MTFMT: variants seen among roughly 807,000 people sequenced by gnomAD.
The protein encoded by MTFMT is methionyl-tRNA formyltransferase, mitochondrial.
In MTFMT, 47 loss-of-function variants were observed where a neutral mutation model predicts 51.8. The ratio of observed to expected loss-of-function variants is 0.91; its 90% CI spans 0.72 to 1.16. The LOEUF (loss-of-function observed/expected upper bound fraction) is 1.16, where lower values mean the gene tolerates loss of function less well. Ranked by LOEUF, MTFMT falls within the 50% of genes most tolerant of loss-of-function variation. MTFMT has a pLI of 0.00. For missense variants in MTFMT, 512 were observed against 482.3 expected, an observed-to-expected ratio of 1.06 and a Z score of -0.58; for synonymous variants, 196 against 176.7, an observed-to-expected ratio of 1.11 and a Z score of -0.87.
At chr15:65,029,196 G>C (rs1429756947) in intron 1 of MTFMT, 1 of 891,890 alleles carries the variant, frequency 1.1e-6, no homozygotes, top group Non-Finnish European at 1.3e-6. Flanking sequence ...CGGGGAGTGA[G>C]GGGCGCAGAC....
chr15:65,009,804 C>T (rs1476820457), intron 6 of MTFMT, among the ~76,000 whole-genome samples: 1 of 152,062 alleles, frequency 6.6e-6, no homozygotes, highest in East Asian at 1.9e-4. Context: ...CAGGTGCATC[C>T]CACAATACCT....
At position 65,021,558 on chromosome 15, in the gene MTFMT, C is replaced by T. The variant is rs111388106; in HGVS notation, c.601G>A (p.Ala201Thr). The stretch of plus-strand genomic sequence containing the variant: ...GACAACACTGCTTCCAATTCCTTTG[C>T]AGTGCTCTTGGGTGGCACAGGAACA... Reference protein sequence around the residue: ...ETVPVPPKSTAKELEAVLSRL... With the variant: ...ETVPVPPKSTTKELEAVLSRL... The change falls in exon 4 of 9, where the codon GCA (alanine) becomes ACA (threonine). Residue 201 changes from alanine (A) to threonine (T), a missense_variant. Coordinates refer to ENST00000220058, the MANE Select transcript of MTFMT (RefSeq NM_139242.4). 8.8e-3 allele frequency: 14,135 copies of T among 1,609,314 alleles called. 796 individuals are homozygous for T. In the South Asian group the frequency reaches 0.12, roughly 13 times the overall value.
chr15:65,007,489 T>G (rs1046957688), intron 6 of MTFMT, among the ~76,000 whole-genome samples: 2 of 152,250 alleles, frequency 1.3e-5, no homozygotes, highest in Admixed American at 1.3e-4. Flanking sequence ...ATTTTCAATT[T>G]ATTGCTATTT....
chr15:65,026,753 A>G lies in MTFMT; in HGVS notation c.419+78T>C, dbSNP rs553638029. On this transcript the variant is annotated intron_variant, in intron 2 of 8. Coordinates refer to ENST00000220058, the MANE Select transcript of MTFMT (RefSeq NM_139242.4). Reference sequence around the variant, plus strand: ...ATATTACAGAAAGCATAGAGTTCAAATTATCACATTTTATATACAAGGTCC... The same window carrying G: ...ATATTACAGAAAGCATAGAGTTCAAGTTATCACATTTTATATACAAGGTCC... 26 of 1,127,010 alleles carry G rather than the reference A, an allele frequency of 2.3e-5. No individual in the cohort carries two copies. The African/African-American group carries it at 3.6e-4, about 16-fold the overall frequency. 69.8% of individuals were successfully genotyped at this position (1,127,010 alleles called of 1,614,324 possible).
At chr15:65,016,139 G>C (rs1053397850) in intron 6 of MTFMT, 1 of 176,376 alleles carries the variant, frequency 5.7e-6, no homozygotes, top group Non-Finnish European at 1.2e-5. Flanking sequence ...ATTCCTGTTA[G>C]TCATCTCATT....
At position 65,016,245 on chromosome 15, in the gene MTFMT, C is replaced by G. The variant is rs34348990; in HGVS notation, c.813+191G>C. ...AAGTGCTTTGTGAATTCTAAGGTCT[C>G]TATAAACACTTTAAACAGCTTAAAG... On this transcript the variant is annotated intron_variant, in intron 6 of 8. Transcript: ENST00000220058. 169,293 of 442,094 alleles carry G rather than the reference C, an allele frequency of 0.38. 36,231 individuals carry two copies. The highest frequency in any genetic ancestry group is 0.51 in the South Asian group (14,916 of 29,500). The allele number at this position is 442,094 out of a possible 1,614,324, so 27.4% of individuals were successfully genotyped here.
At chr15:65,029,217 A>G (rs1420562429) in intron 1 of MTFMT, 188 bp downstream of exon 1, 1 of 952,108 alleles carries the variant, frequency 1.1e-6, no homozygotes, top group Non-Finnish European at 1.3e-6. Flanking sequence ...CGCAGGTACT[A>G]GGCGCCCAAA....
At chr15:65,024,568 G>A (rs1023171872) in intron 2 of MTFMT, among the ~76,000 whole-genome samples, 2 of 151,102 alleles carry the variant, frequency 1.3e-5, no homozygotes, top group Admixed American at 6.6e-5. Context: ...CAGGCTGGAT[G>A]GCTCACTGCA....
chr15:65,015,060 T>C (rs2086307347), intron 6 of MTFMT, among the ~76,000 whole-genome samples: 1 of 151,798 alleles, frequency 6.6e-6, no homozygotes, highest in South Asian at 2.1e-4. Context: ...AATGAATGAA[T>C]AATAGCAGCT....
rs756935530 is a variant in MTFMT, at chr15:65,003,222, T to C, written c.1010A>G (p.Lys337Arg). 58 of 1,613,644 alleles carry C rather than the reference T, an allele frequency of 3.6e-5. 1 individual carries two copies. In the East Asian group the frequency reaches 1.2e-3, roughly 33 times the overall value. Residue 337 changes from lysine to arginine, a missense_variant, in exon 9 of 9, where the codon AAG (lysine) becomes AGG (arginine). Lys to Arg is a conservative substitution (Grantham distance 26). Coordinates refer to ENST00000220058, the MANE Select transcript of MTFMT (RefSeq NM_139242.4). ...GAAGTCAGTAGCTGTTAGTGATTTC[T>C]TGAGCATCACTGATCGAACACCAAT... The part of the protein sequence containing the change: ...GWIGVRSVML[K>R]KSLTATDFYN...
rs140747889 is a variant in MTFMT, at chr15:65,014,785, G to A, written c.813+1651C>T. On this transcript the variant is annotated intron_variant, in intron 6 of 8. Transcript: ENST00000220058. The stretch of plus-strand genomic sequence containing the variant: ...TGGGATTACAGGCGCATGCCACCAC[G>A]CCCAGCTAATTTTTTTGTGTGTTTT... Among the ~76,000 whole-genome samples the A allele has an allele frequency of 5.7e-3, 852 of 150,580 alleles. 48 individuals are homozygous for A. In the South Asian group the frequency reaches 0.12, roughly 22 times the overall value.
intron 7 of MTFMT, among the ~76,000 whole-genome samples, chr15:65,005,424 A>G (rs1257867719): frequency 6.6e-6 from 1 of 152,144 alleles, no homozygotes; most frequent in Non-Finnish European, 1.5e-5. Context: ...GACTTGTGGC[A>G]TGAAGTATGA....
intron 6 of MTFMT, among the ~76,000 whole-genome samples, chr15:65,012,445 G>C (rs149048461): frequency 0.017 from 2,531 of 152,210 alleles, 28 homozygotes; most frequent in Admixed American, 0.024. Flanking sequence ...ACCCAGGCTG[G>C]AGTGCAGTGG....
Position 65,020,199 on chromosome 15 carries a change from T to C in MTFMT, c.719A>G (p.Tyr240Cys). The stretch of plus-strand genomic sequence containing the variant: ...GAGTCTCTGCAGCCTTCACTCACCG[T>C]AAGTCGCCCCCTCCATTGGCTGCTG... ...GRQQPMEGAT[Y>C]APKISAGTSC... is the part of the protein sequence containing the mutation. Residue 240 changes from tyrosine (Y) to cysteine (C), a missense_variant and splice_region_variant, in exon 5 of 9, where the codon TAC becomes TGC. By Grantham distance (194) the Tyr-to-Cys change is radical (BLOSUM62 -2). Coordinates refer to ENST00000220058, the MANE Select transcript of MTFMT (RefSeq NM_139242.4). 6.2e-7 allele frequency: 1 copy of C among 1,612,448 alleles called. No individual in the cohort carries two copies. Among genetic ancestry groups the C allele is most frequent in the South Asian group, 1.1e-5 (1 of 90,838 alleles).
chr15:65,008,163 G>C (rs917732955), intron 6 of MTFMT, among the ~76,000 whole-genome samples: 2 of 151,978 alleles, frequency 1.3e-5, no homozygotes, highest in African/African-American at 2.4e-5. Flanking sequence ...TTAACAAATT[G>C]TAAGTATACC....
Position 65,020,176 on chromosome 15 carries a change from GTC to G in MTFMT, c.721+19_721+20del. 3 of 1,601,368 alleles carry G rather than the reference GTC, an allele frequency of 1.9e-6. No individual in the cohort carries two copies. The highest frequency in any genetic ancestry group is 1.7e-4 in the Middle Eastern group (1 of 6,014). ...AAGCAGAACCTTTAGAAAGATGAGA[GTC>G]TCTGCAGCCTTCACTCACCGTAAGT... On this transcript the variant is annotated intron_variant, in intron 5 of 8. Transcript: ENST00000220058.
chr15:65,002,067 G>A lies in MTFMT; in HGVS notation c.*995C>T, dbSNP rs1474691157. On this transcript the variant is annotated 3_prime_UTR_variant, in exon 9 of 9. Transcript: ENST00000220058. ...ACTCCTAAAATGTCAGTGGTGACAC[G>A]ATTTTTAAAAAATTAAATAGATGCA... 1 of 152,002 alleles carries A rather than the reference G, an allele frequency of 6.6e-6. No individual in the cohort carries two copies. Among genetic ancestry groups the A allele is most frequent in the Non-Finnish European group, 1.5e-5 (1 of 67,952 alleles). The allele number at this position is 152,002 out of a possible 1,614,324, so 9.4% of individuals were successfully genotyped here. A position where few individuals can be genotyped will look rare whatever the true frequency, so the allele number is the denominator to read the frequency against.
intron 6 of MTFMT, among the ~76,000 whole-genome samples, chr15:65,011,541 G>C (rs2086267232): frequency 7.6e-6 from 1 of 131,490 alleles, no homozygotes; most frequent in African/African-American, 3.0e-5. Context: ...TGTCACCCAG[G>C]ATGAAACACA....
At chr15:65,013,505 G>GA (rs2086287801) in intron 6 of MTFMT, among the ~76,000 whole-genome samples, 1 of 151,906 alleles carries the variant, frequency 6.6e-6, no homozygotes, top group Non-Finnish European at 1.5e-5. Context: ...GTTTATTGAG[G>GA]TTTTTTTACA....
Sources: allele counts gnomAD v4.1 joint callset (sites outside exome capture counted in the v4.1 genomes callset), GRCh38; gene constraint gnomAD v4.1.1; transcripts MANE v1.5; gene names NCBI Gene and HGNC (gene_info 2026-07-23, HGNC 2026-07-21).